The following HAT1 variants were observed in gnomAD, a reference collection of about 807,000 sequenced individuals.
HAT1 encodes the protein histone acetyltransferase type B catalytic subunit.
In HAT1, 20 loss-of-function variants were observed where a neutral mutation model predicts 56.6. The ratio of observed to expected loss-of-function variants is 0.35; its 90% CI spans 0.25 to 0.51. The LOEUF is 0.51. Ranked by LOEUF, HAT1 falls within the 20% of genes least tolerant of loss-of-function variation. The pLI is 0.95. For synonymous variants in HAT1, 146 were observed against 165.5 expected (o/e 0.88, Z 0.91); for missense variants, 408 against 504.3 (o/e 0.81, Z 1.83).
chr2:171,957,878 T>C (rs1412146029), intron 4 of HAT1, among the ~76,000 whole-genome samples: 1 of 152,248 alleles, frequency 6.6e-6, no homozygotes, highest in Non-Finnish European at 1.5e-5. Flanking sequence ...TCTGATATAC[T>C]GTTGGTAATA....
At chr2:171,945,175 A>C (rs1687127158) in intron 2 of HAT1, among the ~76,000 whole-genome samples, 1 of 151,862 alleles carries the variant, frequency 6.6e-6, no homozygotes, top group South Asian at 2.1e-4. Flanking sequence ...CCAGCCCTCC[A>C]ATTTTTCTTT....
chr2:171,953,626 TAAAAAAAAAAAAAA>T (rs587686867), intron 4 of HAT1, among the ~76,000 whole-genome samples: 6 of 84,630 alleles, frequency 7.1e-5, no homozygotes, highest in Admixed American at 3.3e-4. Flanking sequence ...CCCTGTCTCT[TAAAAAAAAAAAAAA>T]AAAAAAAAAA....
At chr2:171,972,534 G>A (rs547623618) in intron 8 of HAT1, among the ~76,000 whole-genome samples, 1 of 152,202 alleles carries the variant, frequency 6.6e-6, no homozygotes, top group African/African-American at 2.4e-5. Flanking sequence ...CAAAGCAAGG[G>A]ATCACAGGTG....
intron 2 of HAT1, among the ~76,000 whole-genome samples, chr2:171,930,028 G>A (rs1423414435): frequency 6.6e-6 from 1 of 152,116 alleles, no homozygotes; most frequent in African/African-American, 2.4e-5. Flanking sequence ...TAATAACATT[G>A]AGCCTTCCAG....
intron 2 of HAT1, among the ~76,000 whole-genome samples, chr2:171,934,462 G>A (rs1284846174): frequency 6.6e-6 from 1 of 152,222 alleles, no homozygotes; most frequent in Non-Finnish European, 1.5e-5. Context: ...GTTAGAAGGT[G>A]TAGAGGAAGC....
intron 9 of HAT1, among the ~76,000 whole-genome samples, chr2:171,977,553 ATATATTTT>A (rs1463031085): frequency 9.1e-5 from 1 of 10,950 alleles, no homozygotes; most frequent in Non-Finnish European, 1.7e-4. Context: ...ATATATATAT[ATATATTTT>A]TTTTTTTTTT....
At chr2:171,965,132 T>A in intron 4 of HAT1, 2 of 502,224 alleles carry the variant, frequency 4.0e-6, no homozygotes, top group African/African-American at 4.0e-5. Context: ...TTCTCTTATT[T>A]ACTTTTATAT....
chr2:171,960,662 A>G (rs1687550440), intron 4 of HAT1, among the ~76,000 whole-genome samples: 1 of 152,150 alleles, frequency 6.6e-6, no homozygotes, highest in Non-Finnish European at 1.5e-5. Context: ...TGAATTTTAC[A>G]ATACAATAAA....
intron 2 of HAT1, among the ~76,000 whole-genome samples, chr2:171,928,035 C>T (rs1430885485): frequency 2.0e-5 from 3 of 152,092 alleles, no homozygotes; most frequent in Non-Finnish European, 4.4e-5. Context: ...TACAGGCACC[C>T]GTCACCACAC....
At chr2:171,929,086 A>G (rs1026249156) in intron 2 of HAT1, among the ~76,000 whole-genome samples, 2 of 152,224 alleles carry the variant, frequency 1.3e-5, no homozygotes, top group African/African-American at 4.8e-5. Context: ...CCATATCCTC[A>G]CCAACATTTT....
At chr2:171,947,531 C>T (rs1687198313) in intron 3 of HAT1, among the ~76,000 whole-genome samples, 1 of 152,186 alleles carries the variant, frequency 6.6e-6, no homozygotes, top group African/African-American at 2.4e-5. Flanking sequence ...GCTGGGACTA[C>T]AGGCATGAAC....
chr2:171,969,134 A>C (rs1687752913), intron 8 of HAT1, among the ~76,000 whole-genome samples: 1 of 152,214 alleles, frequency 6.6e-6, no homozygotes, highest in African/African-American at 2.4e-5. Flanking sequence ...AATACATCTC[A>C]GTTGTATAAC....
chr2:171,969,291 A>G (rs1418411808), intron 8 of HAT1, among the ~76,000 whole-genome samples: 2 of 152,188 alleles, frequency 1.3e-5, no homozygotes, highest in Non-Finnish European at 1.5e-5. Flanking sequence ...TGTCCTTTAA[A>G]TGTACTTTAT....
In HAT1 at chr2:171,925,223, T is replaced by G. The variant is rs532850888; in HGVS notation, c.8-314T>G. Among the ~76,000 whole-genome samples the G allele has an allele frequency of 5.3e-5, 8 of 151,848 alleles. No homozygotes were observed. The East Asian group carries it at 1.6e-3, about 29-fold the overall frequency. On this transcript the variant is annotated intron_variant, in intron 1 of 10. Transcript: ENST00000264108. ...AAGTAGCTGGGATTACAGGCGCCCG[T>G]CACCGTGCCCGGCTAATTTTTGTAT... is the stretch of plus-strand genomic sequence containing the variant.
chr2:171,963,371 T>C (rs1200637251), intron 4 of HAT1, among the ~76,000 whole-genome samples: 1 of 152,118 alleles, frequency 6.6e-6, no homozygotes, highest in East Asian at 1.9e-4. Flanking sequence ...CTGAAAGCCC[T>C]TTTTCAACTT....
chr2:171,929,466 T>C lies in HAT1; in HGVS notation c.112+3825T>C, dbSNP rs76235705. On this transcript the variant is annotated intron_variant, in intron 2 of 10. Coordinates refer to ENST00000264108, the MANE Select transcript of HAT1 (RefSeq NM_003642.4). ...TTTTTGTATAACTGGAAGTTTTTAGTTTTAATCATGTCCAGTTTATTAATT... is the reference window on the plus strand; with the variant it reads ...TTTTTGTATAACTGGAAGTTTTTAGCTTTAATCATGTCCAGTTTATTAATT... Among the ~76,000 whole-genome samples the C allele has an allele frequency of 0.034, 5,185 of 152,310 alleles. 825 individuals are homozygous for C. The East Asian group carries it at 0.54, about 16-fold the overall frequency.
At position 171,976,272 on chromosome 2, in the gene HAT1, G is replaced by A; in HGVS notation, c.939G>A (p.Met313Ile). The A allele has an allele frequency of 1.3e-6, 2 of 1,593,548 alleles. No homozygotes were observed. Among genetic ancestry groups the A allele is most frequent in the Non-Finnish European group, 1.7e-6 (2 of 1,168,668 alleles). ...TAATGCAAGGATTCAATGAAGATAT[G>A]GTGATAGAGGCACAACAGAAGTTCA... ...EKLMQGFNEDMVIEAQQKFKI... is the reference protein window; with the variant it reads ...EKLMQGFNEDIVIEAQQKFKI... Residue 313 changes from methionine (M) to isoleucine (I), a missense_variant, in exon 9 of 11, where the codon ATG (methionine) becomes ATA (isoleucine). By Grantham distance (10) the Met-to-Ile change is conservative (BLOSUM62 1). Coordinates refer to ENST00000264108, the MANE Select transcript of HAT1 (RefSeq NM_003642.4).
intron 2 of HAT1, among the ~76,000 whole-genome samples, chr2:171,928,751 G>A (rs13409337): frequency 6.6e-6 from 1 of 152,040 alleles, no homozygotes; most frequent in African/African-American, 2.4e-5. Flanking sequence ...CTTCATGATC[G>A]CCTGCCTTGG....
intron 9 of HAT1, among the ~76,000 whole-genome samples, chr2:171,978,134 G>A (rs965217910): frequency 1.3e-5 from 2 of 148,308 alleles, no homozygotes; most frequent in East Asian, 2.0e-4. Flanking sequence ...TCACGGCTAC[G>A]GCTCACTGCA....
Sources: allele counts gnomAD v4.1 joint callset (sites outside exome capture counted in the v4.1 genomes callset), GRCh38; gene constraint gnomAD v4.1.1; transcripts MANE v1.5; gene names NCBI Gene and HGNC (gene_info 2026-07-23, HGNC 2026-07-21).